MTSS1: variants seen among roughly 807,000 people sequenced by gnomAD.
The protein encoded by MTSS1 is protein MTSS 1.
MTSS1 carries 18 observed loss-of-function variants against 79.0 expected under a neutral mutation model. That is an observed-to-expected ratio of 0.23 (90% CI 0.16 to 0.34). The LOEUF (loss-of-function observed/expected upper bound fraction) is 0.34, where lower values mean the gene tolerates loss of function less well. Ranked by LOEUF, MTSS1 falls within the 10% of genes least tolerant of loss-of-function variation. The probability of loss-of-function intolerance (pLI) is 1.00; values close to 1 mark genes in which losing one functional copy is unlikely to be tolerated. For synonymous variants in MTSS1, 341 were observed against 368.6 expected, an observed-to-expected ratio of 0.93 and a Z score of 0.86; for missense variants, 815 against 986.2, an observed-to-expected ratio of 0.83 and a Z score of 2.33.
At chr8:124,576,237 T>C (rs1828930323) in intron 6 of MTSS1, among the ~76,000 whole-genome samples, 1 of 152,248 alleles carries the variant, frequency 6.6e-6, no homozygotes, top group African/African-American at 2.4e-5. Context: ...TCCTGTGTTC[T>C]GCAAGTCCTT....
At chr8:124,557,963 A>G in intron 10 of MTSS1, 88 bp from the exon 11 acceptor site, 1 of 1,006,214 alleles carries the variant, frequency 9.9e-7, no homozygotes. Context: ...ATTGACATTC[A>G]AGGGAGGGGA....
intron 2 of MTSS1, among the ~76,000 whole-genome samples, chr8:124,702,522 C>G (rs1829845792): frequency 6.6e-6 from 1 of 152,172 alleles, no homozygotes; most frequent in Non-Finnish European, 1.5e-5. Flanking sequence ...AAATCCCAGG[C>G]TCCAAACAAA....
intron 3 of MTSS1, among the ~76,000 whole-genome samples, chr8:124,627,885 G>T (rs1454405779): frequency 6.6e-6 from 1 of 152,262 alleles, no homozygotes; most frequent in Non-Finnish European, 1.5e-5. Context: ...AACTAGCAGT[G>T]ACTGGTCGCG....
Position 124,550,916 on chromosome 8 carries a change from C to T in MTSS1, c.*2076G>A, listed in dbSNP as rs867041685. The T allele has an allele frequency of 2.6e-5, 4 of 152,628 alleles. No homozygotes were observed. The highest frequency in any genetic ancestry group is 2.1e-4 in the South Asian group (1 of 4,832). 9.5% of individuals were successfully genotyped at this position (152,628 alleles called of 1,614,324 possible). On this transcript the variant is annotated 3_prime_UTR_variant, in exon 14 of 14. Transcript: ENST00000518547. ...AACTGCACAGGGAGAGGTCAACTCT[C>T]AGTACAAACTAGCAACTAAAGCACA...
At chr8:124,678,466 T>C (rs575992532) in intron 3 of MTSS1, among the ~76,000 whole-genome samples, 1 of 152,328 alleles carries the variant, frequency 6.6e-6, no homozygotes, top group African/African-American at 2.4e-5. Context: ...CAGTTCCACA[T>C]GGCTGGGGAG....
chr8:124,571,871 G>A (rs1258298807), intron 6 of MTSS1, among the ~76,000 whole-genome samples: 1 of 152,216 alleles, frequency 6.6e-6, no homozygotes, highest in Non-Finnish European at 1.5e-5. Context: ...GGCTGAGGCA[G>A]AAGAATTGCT....
At chr8:124,567,735 G>A (rs764611038) in intron 7 of MTSS1, 22 of 1,516,890 alleles carry the variant, frequency 1.5e-5, no homozygotes, top group South Asian at 6.1e-5. Context: ...TTGGGACCAC[G>A]GGCCGGGCTA....
intron 3 of MTSS1, among the ~76,000 whole-genome samples, chr8:124,632,057 G>A (rs1166243207): frequency 6.6e-6 from 1 of 151,728 alleles, no homozygotes; most frequent in Non-Finnish European, 1.5e-5. Flanking sequence ...CAGGAGAATC[G>A]CTTGAGCCCA....
intron 5 of MTSS1, among the ~76,000 whole-genome samples, chr8:124,586,434 C>G (rs965618763): frequency 6.6e-6 from 1 of 152,186 alleles, no homozygotes; most frequent in Admixed American, 6.5e-5. Context: ...AATGGTGCCT[C>G]ATTTTCTAAT....
At chr8:124,679,020 T>C (rs2134904101) in intron 3 of MTSS1, among the ~76,000 whole-genome samples, 1 of 152,346 alleles carries the variant, frequency 6.6e-6, no homozygotes, top group African/African-American at 2.4e-5. Flanking sequence ...ATCCTTGGCA[T>C]TCGAAGGCTT....
At chr8:124,635,248 A>G (rs1052818830) in intron 3 of MTSS1, among the ~76,000 whole-genome samples, 2 of 152,264 alleles carry the variant, frequency 1.3e-5, no homozygotes, top group African/African-American at 4.8e-5. Flanking sequence ...AGAGAAAAGG[A>G]AGAAAGCAAT....
chr8:124,555,958 G>A, intron 12 of MTSS1, 54 bp from the exon 13 acceptor site: 1 of 1,590,474 alleles, frequency 6.3e-7, no homozygotes, highest in South Asian at 1.1e-5. Flanking sequence ...GGGCTCAACA[G>A]CACTCCTGTT....
chr8:124,717,019 A>AAG (rs1832117748), intron 1 of MTSS1, among the ~76,000 whole-genome samples: 1 of 151,358 alleles, frequency 6.6e-6, no homozygotes, highest in Non-Finnish European at 1.5e-5. Context: ...AAAAAAAAAA[A>AAG]CTGGACGCAA....
chr8:124,553,736 G>A lies in MTSS1; in HGVS notation c.1568-44C>T, dbSNP rs375737807. 6.5e-7 allele frequency: 1 copy of A among 1,536,154 alleles called. No homozygotes were observed. Reference sequence around the variant, plus strand: ...TAGACATATTCAAGACAGCAGCTGTGCTTTTTTGATTCTTCTGGGCTGGGA... The same window carrying A: ...TAGACATATTCAAGACAGCAGCTGTACTTTTTTGATTCTTCTGGGCTGGGA... On this transcript the variant is annotated intron_variant, in intron 13 of 13. Transcript: ENST00000518547. The surrounding 1 kb of genome is among the most constrained non-coding windows in gnomAD (Gnocchi z 6.0).
intron 3 of MTSS1, among the ~76,000 whole-genome samples, chr8:124,608,478 A>G (rs887511686): frequency 6.6e-6 from 1 of 152,202 alleles, no homozygotes; most frequent in Non-Finnish European, 1.5e-5. Context: ...GCCCAACTGC[A>G]GAGAACCAGT....
chr8:124,577,042 AG>A (rs1488564520), intron 6 of MTSS1, among the ~76,000 whole-genome samples: 2 of 152,174 alleles, frequency 1.3e-5, no homozygotes, highest in African/African-American at 2.4e-5. Context: ...CTGAGACCAG[AG>A]TAGTGGGCAA....
rs1833054370 is a variant in MTSS1, at chr8:124,597,964, T to C, written c.209-6729A>G. Among the ~76,000 whole-genome samples the C allele has an allele frequency of 6.6e-6, 1 of 152,132 alleles. No individual in the cohort carries two copies. The highest frequency in any genetic ancestry group is 2.4e-5 in the African/African-American group (1 of 41,420). ...CCTGCTGACATTTTGAACCGGATCATTTTTTGTTATCAATAATGACCATTT... is the reference window on the plus strand; with the variant it reads ...CCTGCTGACATTTTGAACCGGATCACTTTTTGTTATCAATAATGACCATTT... On this transcript the variant is annotated intron_variant, in intron 3 of 13. Coordinates refer to ENST00000518547, the MANE Select transcript of MTSS1 (RefSeq NM_014751.6). This position sits in a 1 kb window ranked among gnomAD's most constrained non-coding sequence, Gnocchi z 4.6.
intron 3 of MTSS1, among the ~76,000 whole-genome samples, chr8:124,602,206 T>TATATATATATATATATATATATAA (rs1563835848): frequency 3.0e-5 from 4 of 132,236 alleles, no homozygotes; most frequent in African/African-American, 1.2e-4. Context: ...TATATATATA[T>TATATATATATATATATATATATAA]AATTTTTTTT....
At chr8:124,612,574 A>ATGTG (rs58367314) in intron 3 of MTSS1, among the ~76,000 whole-genome samples, 3,898 of 99,486 alleles carry the variant, frequency 0.039, 117 homozygotes, top group Middle Eastern at 0.07. Context: ...CAAGTTTAAA[A>ATGTG]TGTGTGTGTG....
Sources: gnomAD v4.1 joint callset for allele counts (sites outside exome capture counted in the v4.1 genomes callset) on GRCh38, gnomAD v4.1.1 for gene constraint, Gnocchi (gnomAD v3.1) non-coding constraint, MANE v1.5 for transcripts, NCBI Gene and HGNC (gene_info 2026-07-23, HGNC 2026-07-21) for gene names.